Variants in IPO13 observed in about 807,000 individuals in gnomAD.
IPO13 encodes importin 13.
IPO13 carries 28 observed loss-of-function variants against 115.5 expected under a neutral mutation model. The ratio of observed to expected loss-of-function variants is 0.24; its 90% confidence interval spans 0.18 to 0.33. IPO13 has a LOEUF of 0.33. IPO13 is among the 10% of genes least tolerant of loss of function. The probability of loss-of-function intolerance (pLI) is 1.00; values close to 1 mark genes in which losing one functional copy is unlikely to be tolerated. For missense variants in IPO13, 785 were observed against 1,204.6 expected (o/e 0.65, Z 5.16); for synonymous variants, 414 against 478.9 (o/e 0.86, Z 1.77).
Position 43,964,660 on chromosome 1 carries a change from G to T in IPO13, c.2397+339G>T, listed in dbSNP as rs146307018. Among the ~76,000 whole-genome samples, 425 of 152,296 alleles carry T rather than the reference G, an allele frequency of 2.8e-3. 4 individuals carry two copies. Among genetic ancestry groups the T allele is most frequent in the African/African-American group, 9.7e-3 (405 of 41,566 alleles). On this transcript the variant is annotated intron_variant, in intron 15 of 19. Coordinates refer to ENST00000372343, the MANE Select transcript of IPO13 (RefSeq NM_014652.4). ...CAAGAAGTTCACGTGTAGGGCTGGA[G>T]TTGAAGGGTCTGGGGTACACTGTCC...
At chr1:43,953,748 G>A (rs2085224848) in intron 2 of IPO13, among the ~76,000 whole-genome samples, 1 of 152,096 alleles carries the variant, frequency 6.6e-6, no homozygotes, top group South Asian at 2.1e-4. Flanking sequence ...TTTTAATGCT[G>A]GAAAAGCTTG....
At chr1:43,961,901 C>T (rs1473188766) in intron 14 of IPO13, among the ~76,000 whole-genome samples, 1 of 152,220 alleles carries the variant, frequency 6.6e-6, no homozygotes, top group East Asian at 1.9e-4. Flanking sequence ...TAGCCCTCTA[C>T]TCACTGTGGC....
intron 15 of IPO13, among the ~76,000 whole-genome samples, chr1:43,965,004 G>T (rs1403544436): frequency 6.6e-6 from 1 of 152,180 alleles, no homozygotes; most frequent in Non-Finnish European, 1.5e-5. Context: ...CTTGATGTGT[G>T]CTGTATGTTG....
chr1:43,958,407 C>T lies in IPO13; in HGVS notation c.1750-54C>T. ...TTCTCCCAAGAGGCTCATTTTCCTT[C>T]CTACCCCACAACTAGATGTGGCCAG... On this transcript the variant is annotated intron_variant, in intron 9 of 19. Coordinates refer to ENST00000372343, the MANE Select transcript of IPO13 (RefSeq NM_014652.4). This position sits in a 1 kb window ranked among gnomAD's most constrained non-coding sequence, Gnocchi z 6.3. 2 of 1,612,232 alleles carry T rather than the reference C, an allele frequency of 1.2e-6. No individual in the cohort carries two copies. Among genetic ancestry groups the T allele is most frequent in the Non-Finnish European group, 1.7e-6 (2 of 1,179,098 alleles).
chr1:43,956,304 C>T lies in IPO13; in HGVS notation c.822-16C>T. ...AGCAGAGAGCTCTGATGGATTTTCT[C>T]ACCTCATGCCTCTAGGTACGTGAAC... On this transcript the variant is annotated splice_polypyrimidine_tract_variant and intron_variant, in intron 2 of 19. Transcript: ENST00000372343. This position sits in a 1 kb window ranked among gnomAD's most constrained non-coding sequence, Gnocchi z 4.7. The T allele has an allele frequency of 2.5e-6, 4 of 1,613,654 alleles. No homozygotes were observed. The highest frequency in any genetic ancestry group is 3.4e-6 in the Non-Finnish European group (4 of 1,179,708).
In IPO13 at chr1:43,952,337, T is replaced by C. The variant is rs1003541325; in HGVS notation, c.821+2184T>C. On this transcript the variant is annotated intron_variant, in intron 2 of 19. Coordinates refer to ENST00000372343, the MANE Select transcript of IPO13 (RefSeq NM_014652.4). The surrounding 1 kb of genome is among the most constrained non-coding windows in gnomAD (Gnocchi z 4.7). ...GGCGTGCATCACCACGCCCAGCTAA[T>C]TTTTGTATTTTTAGTAGAAACGGGG... Among the ~76,000 whole-genome samples the C allele has an allele frequency of 2.0e-5, 3 of 152,038 alleles. No individual in the cohort carries two copies. The highest frequency in any genetic ancestry group is 7.2e-5 in the African/African-American group (3 of 41,398).
At chr1:43,950,201 CA>C in intron 2 of IPO13, 48 bp downstream of exon 2, 9 of 1,550,090 alleles carry the variant, frequency 5.8e-6, no homozygotes, top group Non-Finnish European at 7.0e-6. Context: ...TGGCCAGCCA[CA>C]CATCCATCCA....
At position 43,966,473 on chromosome 1, in the gene IPO13, C is replaced by T; in HGVS notation, c.2398-102C>T. 1.6e-6 allele frequency: 2 copies of T among 1,247,936 alleles called. No homozygotes were observed. The highest frequency in any genetic ancestry group is 2.3e-6 in the Non-Finnish European group (2 of 860,344). The allele number at this position is 1,247,936 out of a possible 1,614,324, so 77.3% of individuals were successfully genotyped here. On this transcript the variant is annotated intron_variant, in intron 15 of 19. Coordinates refer to ENST00000372343, the MANE Select transcript of IPO13 (RefSeq NM_014652.4). The surrounding 1 kb of genome is among the most constrained non-coding windows in gnomAD (Gnocchi z 4.1). Reference sequence around the variant, plus strand: ...GCTGGGTAGCTGGTTTTGGCAGCCTCTACCTGTGAGGTGTGAAGTTGGGGG... The same window carrying T: ...GCTGGGTAGCTGGTTTTGGCAGCCTTTACCTGTGAGGTGTGAAGTTGGGGG...
In IPO13 at chr1:43,957,979, G is replaced by T. The variant is rs1217800047; in HGVS notation, c.1543G>T (p.Ala515Ser). Reference protein sequence around the residue: ...LADTVMFTIGALSEWLADHPV... With the variant: ...LADTVMFTIGSLSEWLADHPV... ...TCCTGTCTCCCTCCTTCCTCCAGGA[G>T]CTCTGTCTGAATGGCTGGCTGACCA... is the stretch of plus-strand genomic sequence containing the variant. Residue 515 changes from alanine to serine, a missense_variant and splice_region_variant, in exon 8 of 20, where the codon GCT becomes TCT. Ala to Ser is a moderately conservative substitution (Grantham distance 99, BLOSUM62 1). Around this residue, in one of 3 missense-constraint regions of IPO13, gnomAD observed 175 missense variants for 360.0 expected, o/e 0.49. Coordinates refer to ENST00000372343, the MANE Select transcript of IPO13 (RefSeq NM_014652.4). The T allele has an allele frequency of 1.2e-6, 2 of 1,614,028 alleles. No individual in the cohort carries two copies. Among genetic ancestry groups the T allele is most frequent in the Non-Finnish European group, 1.7e-6 (2 of 1,179,980 alleles).
In IPO13 at chr1:43,949,419, G is replaced by A. The variant is rs200661833; in HGVS notation, c.87G>A (p.Ala29=). The part of the protein sequence containing the change: ...LDFTVENVEK[A]LHQLYYDPNI... ...CTCAGTCCTGTGCTGTCCTGCAGGC[G>A]CTGCACCAGCTCTACTATGATCCCA... Residue 29 remains alanine, a splice_region_variant and synonymous_variant, in exon 2 of 20, where the codon GCG becomes GCA. Coordinates refer to ENST00000372343, the MANE Select transcript of IPO13 (RefSeq NM_014652.4). 9.4e-6 allele frequency: 15 copies of A among 1,598,908 alleles called. No homozygotes were observed. Among genetic ancestry groups the A allele is most frequent in the Admixed American group, 8.4e-5 (5 of 59,482 alleles).
rs941881078 is a variant in IPO13, at chr1:43,967,038, G to T, written c.2613+19G>T. The T allele has an allele frequency of 1.9e-6, 3 of 1,608,852 alleles. No individual in the cohort carries two copies. The highest frequency in any genetic ancestry group is 1.7e-4 in the Middle Eastern group (1 of 6,044). On this transcript the variant is annotated intron_variant, in intron 18 of 19. Transcript: ENST00000372343. This position sits in a 1 kb window ranked among gnomAD's most constrained non-coding sequence, Gnocchi z 6.1. The stretch of plus-strand genomic sequence containing the variant: ...GCTGGAGGTGAGACGGAGCAAAGGG[G>T]GGTTTGATGGGGGTGAGGGCCCCTC...
At chr1:43,949,247 T>TA in intron 1 of IPO13, 170 bp from the exon 2 acceptor site, 2 of 630,884 alleles carry the variant, frequency 3.2e-6, no homozygotes, top group South Asian at 4.1e-5. Context: ...GCTCTCAAGA[T>TA]ATCAGCAGGA....
In IPO13 at chr1:43,966,467, CA is replaced by C; in HGVS notation, c.2398-107del. 1 of 1,171,870 alleles carries C rather than the reference CA, an allele frequency of 8.5e-7. No individual in the cohort carries two copies. Among genetic ancestry groups the C allele is most frequent in the Non-Finnish European group, 1.3e-6 (1 of 795,394 alleles). 72.6% of individuals were successfully genotyped at this position (1,171,870 alleles called of 1,614,324 possible). Reference sequence around the variant, plus strand: ...GAGATGGCTGGGTAGCTGGTTTTGGCAGCCTCTACCTGTGAGGTGTGAAGTT... The same window carrying C: ...GAGATGGCTGGGTAGCTGGTTTTGGCGCCTCTACCTGTGAGGTGTGAAGTT... On this transcript the variant is annotated intron_variant, in intron 15 of 19. Transcript: ENST00000372343. This position sits in a 1 kb window ranked among gnomAD's most constrained non-coding sequence, Gnocchi z 4.1.
At position 43,960,927 on chromosome 1, in the gene IPO13, G is replaced by A; in HGVS notation, c.2161G>A (p.Ala721Thr). Reference protein sequence around the residue: ...KSVKTLLDDFAPMVPQLCEML... With the variant: ...KSVKTLLDDFTPMVPQLCEML... ...TGTTAAGACGCTGCTGGATGACTTT[G>A]CCCCCATGGTGCCACAGCTGTGTGA... Residue 721 changes from alanine to threonine, a missense_variant, in exon 13 of 20, where the codon GCC (alanine) becomes ACC (threonine). Physicochemically the swap from Ala to Thr is moderately conservative, Grantham distance 58. Transcript: ENST00000372343. The A allele has an allele frequency of 1.2e-6, 2 of 1,614,202 alleles. No homozygotes were observed. Among genetic ancestry groups the A allele is most frequent in the Non-Finnish European group, 1.7e-6 (2 of 1,180,048 alleles).
At chr1:43,957,879 C>G in intron 7 of IPO13, 98 bp from the exon 8 acceptor site, 2 of 1,174,834 alleles carry the variant, frequency 1.7e-6, no homozygotes, top group Non-Finnish European at 2.5e-6. Flanking sequence ...GCTGGGGCTG[C>G]AACTTGACCC....
At chr1:43,957,356 TCA>T in intron 6 of IPO13, 41 bp downstream of exon 6, 1 of 1,613,474 alleles carries the variant, frequency 6.2e-7, no homozygotes, top group East Asian at 2.2e-5. Context: ...CCCAGACCTG[TCA>T]CACCCTCCTC....
chr1:43,962,184 T>C (rs1319481348), intron 14 of IPO13, among the ~76,000 whole-genome samples: 1 of 152,024 alleles, frequency 6.6e-6, no homozygotes, highest in Non-Finnish European at 1.5e-5. Context: ...GGGAGAAAAC[T>C]GAACCAGAAA....
chr1:43,963,843 C>G (rs895877456), intron 14 of IPO13, among the ~76,000 whole-genome samples: 2 of 152,218 alleles, frequency 1.3e-5, no homozygotes, highest in Non-Finnish European at 2.9e-5. Context: ...TCCCCCACCC[C>G]CCCACCGCCA....
chr1:43,957,951 T>G (rs745487916), intron 7 of IPO13, 26 bp from the exon 8 acceptor site: 1 of 1,611,606 alleles, frequency 6.2e-7, no homozygotes, highest in African/African-American at 1.3e-5. Context: ...GCCTCAAAGA[T>G]CCTCCTGTCT....
Sources: allele counts gnomAD v4.1 joint callset (sites outside exome capture counted in the v4.1 genomes callset), GRCh38; gene constraint gnomAD v4.1.1; regional missense constraint gnomAD v4.1.1; non-coding constraint Gnocchi (gnomAD v3.1); transcripts MANE v1.5; gene names NCBI Gene and HGNC (gene_info 2026-07-23, HGNC 2026-07-21).